The following DACH2 variants were observed in gnomAD, a reference collection of about 807,000 sequenced individuals.
The protein encoded by DACH2 is dachshund homolog 2.
A neutral mutation model predicts 35.8 loss-of-function variants in DACH2; 17 were observed. That is an observed-to-expected ratio of 0.48 (90% CI 0.33 to 0.71). The LOEUF is 0.71. Ranked by LOEUF, DACH2 falls within the 30% of genes least tolerant of loss-of-function variation. DACH2 has a pLI of 0.02. For missense variants in DACH2, 469 were observed against 472.7 expected, an observed-to-expected ratio of 0.99 and a Z score of 0.07; for synonymous variants, 195 against 177.3, an observed-to-expected ratio of 1.10 and a Z score of -0.79.
intron 1 of DACH2, among the ~76,000 whole-genome samples, chrX:86,198,831 G>A (rs904519236): frequency 2.7e-5 from 3 of 110,917 alleles, no homozygotes; most frequent in Non-Finnish European, 5.7e-5. Context: ...AATTCTATCA[G>A]ATGTACAAAG....
intron 1 of DACH2, among the ~76,000 whole-genome samples, chrX:86,279,012 G>C (rs1024522886): frequency 8.9e-5 from 10 of 111,843 alleles, no homozygotes; most frequent in Non-Finnish European, 1.5e-4. Flanking sequence ...CTACGGGCAG[G>C]GCATCTTTAA....
chrX:86,343,080 C>A (rs912267825), intron 1 of DACH2, among the ~76,000 whole-genome samples: 2 of 111,971 alleles, frequency 1.8e-5, no homozygotes, highest in Admixed American at 9.5e-5. Flanking sequence ...ATGCACTGGG[C>A]AACCCATAAA....
chrX:86,628,494 C>G (rs927832324), intron 3 of DACH2, among the ~76,000 whole-genome samples: 3 of 112,311 alleles, frequency 2.7e-5, no homozygotes, highest in African/African-American at 9.7e-5. Flanking sequence ...TCGCTGTTTT[C>G]TCAGGTCTTT....
intron 1 of DACH2, among the ~76,000 whole-genome samples, chrX:86,301,659 GA>G (rs1488272391): frequency 9.0e-6 from 1 of 111,538 alleles, no homozygotes; most frequent in Non-Finnish European, 1.9e-5. Flanking sequence ...ATCACATTAT[GA>G]CATTGAAAAA....
At chrX:86,512,880 A>G (rs2038415031) in intron 2 of DACH2, 1 of 327,842 alleles carries the variant, frequency 3.1e-6, no homozygotes, top group Non-Finnish European at 5.9e-6. Flanking sequence ...ACGGTAAAAC[A>G]CTGAGTTAAA....
At chrX:86,291,325 C>A (rs1450973333) in intron 1 of DACH2, among the ~76,000 whole-genome samples, 5 of 92,797 alleles carry the variant, frequency 5.4e-5, no homozygotes, top group African/African-American at 2.1e-4. Flanking sequence ...AGATTTTGGG[C>A]TGAGACAATG....
At chrX:86,149,664 T>G (rs181345787) in intron 1 of DACH2, among the ~76,000 whole-genome samples, 4 of 111,787 alleles carry the variant, frequency 3.6e-5, no homozygotes, top group Non-Finnish European at 3.8e-5. Flanking sequence ...GTGTGTGGTG[T>G]TGTTGTTTGT....
At chrX:86,799,084 T>C (rs937087964) in intron 7 of DACH2, 9 of 327,933 alleles carry the variant, frequency 2.7e-5, no homozygotes, top group Non-Finnish European at 5.3e-5. Context: ...ATTCATGTCG[T>C]TATGGAGCAA....
chrX:86,665,830 C>T (rs775416063), intron 4 of DACH2, among the ~76,000 whole-genome samples: 2 of 109,979 alleles, frequency 1.8e-5, no homozygotes, highest in Admixed American at 9.7e-5. Flanking sequence ...TAATGAATAG[C>T]AAAAATTTAT....
At chrX:86,337,437 A>T (rs1478210518) in intron 1 of DACH2, among the ~76,000 whole-genome samples, 3 of 112,026 alleles carry the variant, frequency 2.7e-5, no homozygotes, top group Non-Finnish European at 5.6e-5. Flanking sequence ...ATTCTTAGAG[A>T]AAATAATTTT....
At chrX:86,443,935 T>C (rs1454053051) in intron 2 of DACH2, among the ~76,000 whole-genome samples, 1 of 111,612 alleles carries the variant, frequency 9.0e-6, no homozygotes, top group East Asian at 2.8e-4. Context: ...TCTATGCATA[T>C]TAGAGATATT....
chrX:86,172,870 G>C (rs2031172725), intron 1 of DACH2, among the ~76,000 whole-genome samples: 1 of 111,835 alleles, frequency 8.9e-6, no homozygotes, highest in Non-Finnish European at 1.9e-5. Flanking sequence ...AAGATCCCTT[G>C]AATGGAGACT....
chrX:86,359,109 GTGTGTT>G (rs745942234), intron 1 of DACH2, among the ~76,000 whole-genome samples: 1,344 of 109,035 alleles, frequency 0.012, 13 homozygotes, highest in Non-Finnish European at 0.021. Context: ...GTGTGTGTGT[GTGTGTT>G]TGTGTGTGCA....
At chrX:86,164,720 G>A (rs2030881801) in intron 1 of DACH2, among the ~76,000 whole-genome samples, 1 of 110,634 alleles carries the variant, frequency 9.0e-6, no homozygotes, top group African/African-American at 3.3e-5. Flanking sequence ...TCCTTGTTAG[G>A]TTTGTCAAAG....
intron 2 of DACH2, among the ~76,000 whole-genome samples, chrX:86,434,912 A>T (rs1212232833): frequency 1.8e-5 from 2 of 111,038 alleles, no homozygotes; most frequent in African/African-American, 3.3e-5. Context: ...TAGCAAAAGC[A>T]GGAGAACGTG....
intron 1 of DACH2, among the ~76,000 whole-genome samples, chrX:86,217,330 G>C (rs2032600665): frequency 9.0e-6 from 1 of 111,366 alleles, no homozygotes; most frequent in East Asian, 2.8e-4. Flanking sequence ...GCAAATCGCT[G>C]TGCTCCATTC....
chrX:86,521,934 A>T (rs1441149035), intron 3 of DACH2, among the ~76,000 whole-genome samples: 3 of 111,740 alleles, frequency 2.7e-5, no homozygotes, highest in African/African-American at 9.7e-5. Context: ...TAGTCCTTTA[A>T]TTTATATAGC....
chrX:86,649,011 A>G (rs1180705785), intron 3 of DACH2, among the ~76,000 whole-genome samples: 1 of 110,217 alleles, frequency 9.1e-6, no homozygotes, highest in African/African-American at 3.3e-5. Flanking sequence ...AGGTTCCATC[A>G]GGAAACTTGG....
chrX:86,416,830 G>A (rs2036711027), intron 2 of DACH2, among the ~76,000 whole-genome samples: 1 of 110,329 alleles, frequency 9.1e-6, no homozygotes, highest in Admixed American at 9.7e-5. Flanking sequence ...CTGGTGTGGT[G>A]GCTCACGTCT....
Sources: gnomAD v4.1 joint callset for allele counts (sites outside exome capture counted in the v4.1 genomes callset) on GRCh38, gnomAD v4.1.1 for gene constraint, MANE v1.5 for transcripts, NCBI Gene and HGNC (gene_info 2026-07-23, HGNC 2026-07-21) for gene names.